Variants in FBXL17 observed in about 807,000 individuals in gnomAD.
FBXL17 encodes F-box/LRR-repeat protein 17.
FBXL17 carries 22 observed loss-of-function variants against 66.2 expected under a neutral mutation model. The ratio of observed to expected loss-of-function variants is 0.33; its 90% CI spans 0.24 to 0.47. The LOEUF is 0.47. Among genes scored for constraint, FBXL17 ranks in the 20% least tolerant of loss-of-function variants. The pLI is 1.00. For synonymous variants in FBXL17, 474 were observed against 400.5 expected (o/e 1.18, Z -2.19); for missense variants, 878 against 948.2 (o/e 0.93, Z 0.97).
intron 6 of FBXL17, among the ~76,000 whole-genome samples, chr5:108,088,695 T>C (rs1749067848): frequency 1.2e-5 from 1 of 83,090 alleles, no homozygotes. Context: ...AGCGAGACTC[T>C]ATCTCAAAAA....
At chr5:108,249,378 A>G (rs1756247894) in intron 4 of FBXL17, among the ~76,000 whole-genome samples, 1 of 152,176 alleles carries the variant, frequency 6.6e-6, no homozygotes, top group African/African-American at 2.4e-5. Flanking sequence ...CATGAGAGGA[A>G]CAAAATATTA....
intron 6 of FBXL17, among the ~76,000 whole-genome samples, chr5:108,061,284 T>C (rs972719516): frequency 6.7e-6 from 1 of 149,466 alleles, no homozygotes; most frequent in African/African-American, 2.5e-5. Context: ...CCAAACCCCA[T>C]ACAAAAAAAA....
rs1332769158 is a variant in FBXL17, at chr5:108,119,735, C to T, written c.1745+66382G>A. Among the ~76,000 whole-genome samples, 3 of 152,188 alleles carry T rather than the reference C, an allele frequency of 2.0e-5. No individual in the cohort carries two copies. In the East Asian group the frequency reaches 5.8e-4, roughly 29 times the overall value. On this transcript the variant is annotated intron_variant, in intron 6 of 8. Coordinates refer to ENST00000542267, the MANE Select transcript of FBXL17 (RefSeq NM_001163315.3). ...CTATGTAAGGAGAATACACAATCTA[C>T]TCATTTTGAACCTATTTAATCCCAC...
At chr5:108,285,125 G>T (rs1414866769) in intron 4 of FBXL17, among the ~76,000 whole-genome samples, 3 of 151,832 alleles carry the variant, frequency 2.0e-5, no homozygotes, top group Admixed American at 2.0e-4. Context: ...ATATCCATAA[G>T]AAGTTTGATC....
intron 4 of FBXL17, chr5:108,299,577 C>A (rs1758495458): frequency 1.0e-6 from 1 of 972,240 alleles, no homozygotes; most frequent in East Asian, 1.1e-4. Flanking sequence ...GAAAAGCTCC[C>A]TGGCGTTTTA....
chr5:108,305,556 G>C (rs6866453), intron 4 of FBXL17, among the ~76,000 whole-genome samples: 9,887 of 152,062 alleles, frequency 0.065, 1,080 homozygotes, highest in African/African-American at 0.23. Context: ...CTATACTAAA[G>C]AGTGTGGCAT....
chr5:108,149,175 T>C (rs777408621), intron 6 of FBXL17, among the ~76,000 whole-genome samples: 12 of 152,238 alleles, frequency 7.9e-5, no homozygotes, highest in Non-Finnish European at 1.3e-4. Flanking sequence ...ACATATATGT[T>C]ATAATTCAAC....
At chr5:107,949,913 C>A (rs1454621731) in intron 7 of FBXL17, among the ~76,000 whole-genome samples, 1 of 152,136 alleles carries the variant, frequency 6.6e-6, no homozygotes, top group Non-Finnish European at 1.5e-5. Context: ...AGTTTACGTT[C>A]TACATGACTT....
chr5:108,012,369 T>C (rs942628455), intron 7 of FBXL17, among the ~76,000 whole-genome samples: 1 of 152,204 alleles, frequency 6.6e-6, no homozygotes, highest in African/African-American at 2.4e-5. Flanking sequence ...GCATGCAACT[T>C]ACATTTGGTA....
chr5:107,890,648 AG>A (rs1749168548), intron 7 of FBXL17, among the ~76,000 whole-genome samples: 1 of 150,092 alleles, frequency 6.7e-6, no homozygotes, highest in South Asian at 2.2e-4. Context: ...TGGGAGAAAG[AG>A]TGAGACCTTG....
At chr5:107,891,777 T>C (rs1749204899) in intron 7 of FBXL17, among the ~76,000 whole-genome samples, 1 of 152,200 alleles carries the variant, frequency 6.6e-6, no homozygotes, top group Non-Finnish European at 1.5e-5. Context: ...TTTCTTCTAC[T>C]GCATATAAAC....
chr5:107,990,280 T>C (rs1753191340), intron 7 of FBXL17, among the ~76,000 whole-genome samples: 1 of 152,158 alleles, frequency 6.6e-6, no homozygotes, highest in Non-Finnish European at 1.5e-5. Context: ...TTCAACAGGG[T>C]TACTAATTAT....
chr5:108,221,077 C>G (rs1754845028), intron 5 of FBXL17, among the ~76,000 whole-genome samples: 1 of 152,180 alleles, frequency 6.6e-6, no homozygotes, highest in South Asian at 2.1e-4. Flanking sequence ...CTCATTAACA[C>G]AGTCATAGCA....
At chr5:108,000,256 C>G in intron 7 of FBXL17, among the ~76,000 whole-genome samples, 1 of 152,166 alleles carries the variant, frequency 6.6e-6, no homozygotes, top group Non-Finnish European at 1.5e-5. Flanking sequence ...GAGCTGACTT[C>G]CGGTCTAACC....
At chr5:107,928,424 T>C (rs1750609180) in intron 7 of FBXL17, among the ~76,000 whole-genome samples, 1 of 152,020 alleles carries the variant, frequency 6.6e-6, no homozygotes, top group Admixed American at 6.6e-5. Flanking sequence ...TACTTTGTTT[T>C]TTTTTTTAAG....
At chr5:107,930,004 C>T (rs1238679415) in intron 7 of FBXL17, among the ~76,000 whole-genome samples, 2 of 152,188 alleles carry the variant, frequency 1.3e-5, no homozygotes, top group Non-Finnish European at 2.9e-5. Context: ...TTTTGTCCAT[C>T]TCCATGGCCA....
intron 4 of FBXL17, among the ~76,000 whole-genome samples, chr5:108,322,504 AATAAT>A (rs776469332): frequency 6.6e-6 from 1 of 152,008 alleles, no homozygotes; most frequent in African/African-American, 2.4e-5. Context: ...ATAAGAAAAG[AATAAT>A]ATAAGAATTT....
intron 4 of FBXL17, chr5:108,299,546 A>C: frequency 2.1e-6 from 2 of 959,564 alleles, no homozygotes; most frequent in Non-Finnish European, 2.5e-6. Context: ...CTTCAATTTT[A>C]GATAAAGATA....
At chr5:108,259,991 G>A (rs1341940808) in intron 4 of FBXL17, among the ~76,000 whole-genome samples, 3 of 149,706 alleles carry the variant, frequency 2.0e-5, no homozygotes, top group African/African-American at 7.4e-5. Context: ...GGAGAAACTA[G>A]CTTAGTGAGA....
Sources: gnomAD v4.1 joint callset for allele counts (sites outside exome capture counted in the v4.1 genomes callset) on GRCh38, gnomAD v4.1.1 for gene constraint, MANE v1.5 for transcripts, NCBI Gene and HGNC (gene_info 2026-07-23, HGNC 2026-07-21) for gene names.